Variants in NIT2 observed in about 807,000 individuals in gnomAD.
NIT2 encodes the protein omega-amidase NIT2.
A neutral mutation model predicts 42.7 loss-of-function variants in NIT2; 46 were observed. That is an observed-to-expected ratio of 1.08 (90% CI 0.85 to 1.38). NIT2 has a LOEUF of 1.38. Ranked by LOEUF, NIT2 falls within the 40% of genes most tolerant of loss-of-function variation. The pLI, the probability that NIT2 is intolerant of heterozygous loss-of-function variation, is 0.00. For synonymous variants in NIT2, 123 were observed against 121.9 expected, an observed-to-expected ratio of 1.01 and a Z score of -0.06; for missense variants, 309 against 342.5, an observed-to-expected ratio of 0.90 and a Z score of 0.77.
intron 5 of NIT2, 121 bp from the exon 6 acceptor site, chr3:100,346,060 G>A (rs1559824385): frequency 6.8e-6 from 5 of 735,464 alleles, no homozygotes; most frequent in Non-Finnish European, 1.2e-5. Flanking sequence ...TCTGTCCTCA[G>A]GTCCTGTGTT....
Position 100,357,577 on chromosome 3 carries a change from T to C in NIT2, c.*2309T>C, listed in dbSNP as rs1163442594. 6.6e-6 allele frequency: 1 copy of C among 151,998 alleles called. No homozygotes were observed. The highest frequency in any genetic ancestry group is 2.4e-5 in the African/African-American group (1 of 41,374). The allele number at this position is 151,998 out of a possible 1,614,324, so 9.4% of individuals were successfully genotyped here. The stretch of plus-strand genomic sequence containing the variant: ...TGATGCTAGAGAAGCAAAGACGCTT[T>C]ACAGAGATGTAGCATTCCTGTAACA... On this transcript the variant is annotated 3_prime_UTR_variant, in exon 10 of 10. Transcript: ENST00000394140.
At chr3:100,338,856 G>A (rs528799184) in intron 1 of NIT2, among the ~76,000 whole-genome samples, 4 of 152,218 alleles carry the variant, frequency 2.6e-5, no homozygotes, top group South Asian at 4.2e-4. Flanking sequence ...ATAATTCTTC[G>A]TTGTGTTATG....
At chr3:100,352,066 T>A (rs1706280596) in intron 7 of NIT2, among the ~76,000 whole-genome samples, 1 of 152,096 alleles carries the variant, frequency 6.6e-6, no homozygotes, top group African/African-American at 2.4e-5. Context: ...TGAGATACCA[T>A]CTCACACCAG....
intron 1 of NIT2, among the ~76,000 whole-genome samples, chr3:100,337,505 G>A (rs1706092457): frequency 6.6e-6 from 1 of 152,148 alleles, no homozygotes; most frequent in Admixed American, 6.5e-5. Flanking sequence ...CCAGGCTGGA[G>A]TGCAGTGGCG....
intron 6 of NIT2, among the ~76,000 whole-genome samples, chr3:100,346,504 A>T (rs568239599): frequency 3.7e-4 from 56 of 152,292 alleles, no homozygotes; most frequent in Middle Eastern, 3.4e-3. Flanking sequence ...TCTACCCTTG[A>T]GTCCTTGTTA....
chr3:100,339,218 G>A lies in NIT2; in HGVS notation c.126+13G>A. 2 of 1,532,846 alleles carry A rather than the reference G, an allele frequency of 1.3e-6. No homozygotes were observed. Among genetic ancestry groups the A allele is most frequent in the Non-Finnish European group, 1.8e-6 (2 of 1,106,248 alleles). 95.0% of individuals were successfully genotyped at this position (1,532,846 alleles called of 1,614,324 possible). A position where few individuals can be genotyped will look rare whatever the true frequency, so the allele number is the denominator to read the frequency against. The stretch of plus-strand genomic sequence containing the variant: ...AGTTTCTTTGCCGGTCAGTATGGGA[G>A]CAGCCATTCTGTTCTAGCCACTGTA... On this transcript the variant is annotated intron_variant, in intron 2 of 9. Transcript: ENST00000394140.
chr3:100,342,185 T>G (rs890244300), intron 4 of NIT2, among the ~76,000 whole-genome samples: 23 of 152,224 alleles, frequency 1.5e-4, no homozygotes, highest in East Asian at 3.8e-4. Context: ...CTATAGCCAC[T>G]CCAGCCTTCT....
chr3:100,335,637 C>T (rs1706060560), intron 1 of NIT2, among the ~76,000 whole-genome samples: 1 of 152,184 alleles, frequency 6.6e-6, no homozygotes, highest in Non-Finnish European at 1.5e-5. Flanking sequence ...GAGGACCCCG[C>T]CCTTGTGGGT....
rs549967337 is a variant in NIT2, at chr3:100,343,321, C to T, written c.336+2160C>T. 2.1e-3 allele frequency among the ~76,000 whole-genome samples: 314 copies of T among 151,818 alleles called. 2 individuals are homozygous for T. The highest frequency in any genetic ancestry group is 3.8e-3 in the Non-Finnish European group (259 of 67,906). On this transcript the variant is annotated intron_variant, in intron 4 of 9. Coordinates refer to ENST00000394140, the MANE Select transcript of NIT2 (RefSeq NM_020202.5). ...TCTGTTCCTTTTTCTTATGGAGCTC[C>T]AGTATATGTATATTATATTTTTAAA... is the stretch of plus-strand genomic sequence containing the variant.
At chr3:100,354,397 T>C (rs1213408677) in intron 8 of NIT2, among the ~76,000 whole-genome samples, 1 of 152,220 alleles carries the variant, frequency 6.6e-6, no homozygotes, top group Non-Finnish European at 1.5e-5. Flanking sequence ...GGGGGTCCAC[T>C]GAAATGCACT....
rs1238651575 is a variant in NIT2, at chr3:100,361,161, A to G, written c.*5893A>G. On this transcript the variant is annotated 3_prime_UTR_variant, in exon 10 of 10. Coordinates refer to ENST00000394140, the MANE Select transcript of NIT2 (RefSeq NM_020202.5). ...CCTTTTACAGCTCTTGACACAGAGC[A>G]ATATTGAGAAATAAAATCAGGTAAA... 2 of 152,434 alleles carry G rather than the reference A, an allele frequency of 1.3e-5. No homozygotes were observed. Among genetic ancestry groups the G allele is most frequent in the Admixed American group, 6.5e-5 (1 of 15,284 alleles). The allele number at this position is 152,434 out of a possible 1,614,324, so 9.4% of individuals were successfully genotyped here. A position where few individuals can be genotyped will look rare whatever the true frequency, so the allele number is the denominator to read the frequency against.
In NIT2 at chr3:100,360,729, T is replaced by C. The variant is rs967902051; in HGVS notation, c.*5461T>C. 1 of 152,322 alleles carries C rather than the reference T, an allele frequency of 6.6e-6. No individual in the cohort carries two copies. Among genetic ancestry groups the C allele is most frequent in the African/African-American group, 2.4e-5 (1 of 41,570 alleles). 9.4% of individuals were successfully genotyped at this position (152,322 alleles called of 1,614,324 possible). On this transcript the variant is annotated 3_prime_UTR_variant, in exon 10 of 10. Coordinates refer to ENST00000394140, the MANE Select transcript of NIT2 (RefSeq NM_020202.5). The stretch of plus-strand genomic sequence containing the variant: ...AGATGCATAAAAGAACACATAGAGA[T>C]GGGGAGTCAGTTCTCCATACATTTT...
Position 100,358,296 on chromosome 3 carries a change from A to G in NIT2, c.*3028A>G, listed in dbSNP as rs993737310. ...GCAAAGTGATATCCGAATAAAATGAACACTAGATTCCCACTTGGAGTGGAA... is the reference window on the plus strand; with the variant it reads ...GCAAAGTGATATCCGAATAAAATGAGCACTAGATTCCCACTTGGAGTGGAA... On this transcript the variant is annotated 3_prime_UTR_variant, in exon 10 of 10. Transcript: ENST00000394140. 2 of 152,246 alleles carry G rather than the reference A, an allele frequency of 1.3e-5. No homozygotes were observed. The highest frequency in any genetic ancestry group is 4.8e-5 in the African/African-American group (2 of 41,464). 9.4% of individuals were successfully genotyped at this position (152,246 alleles called of 1,614,324 possible).
At chr3:100,350,026 A>G (rs1309760414) in intron 7 of NIT2, 2 of 152,216 alleles carry the variant, frequency 1.3e-5, no homozygotes, top group Non-Finnish European at 2.9e-5. Flanking sequence ...ATTTTTGTGT[A>G]TTCACCTGCC....
chr3:100,359,361 T>C lies in NIT2; in HGVS notation c.*4093T>C, dbSNP rs1423768356. ...TGTGCTAACTAGGCTTTAAGTCTTT[T>C]GTCTGTAGATTCATTCTCAAAGTTT... On this transcript the variant is annotated 3_prime_UTR_variant, in exon 10 of 10. Transcript: ENST00000394140. 6.6e-6 allele frequency: 1 copy of C among 152,378 alleles called. No homozygotes were observed. Among genetic ancestry groups the C allele is most frequent in the East Asian group, 1.9e-4 (1 of 5,190 alleles). 9.4% of individuals were successfully genotyped at this position (152,378 alleles called of 1,614,324 possible).
rs769005068 is a variant in NIT2 at position 100,358,457 on chromosome 3, G to C, written c.*3189G>C. The C allele has an allele frequency of 6.6e-6, 1 of 152,194 alleles. No homozygotes were observed. The highest frequency in any genetic ancestry group is 1.5e-5 in the Non-Finnish European group (1 of 68,024). The allele number at this position is 152,194 out of a possible 1,614,324, so 9.4% of individuals were successfully genotyped here. On this transcript the variant is annotated 3_prime_UTR_variant, in exon 10 of 10. Coordinates refer to ENST00000394140, the MANE Select transcript of NIT2 (RefSeq NM_020202.5). ...AATACTTTGAAGTCTGCTATCACAA[G>C]TTGTGAACCTCTATCTCTTGCAGTT...
rs1706361550 is a variant in NIT2 at position 100,359,866 on chromosome 3, G to A, written c.*4598G>A. The A allele has an allele frequency of 6.6e-6, 1 of 152,098 alleles. No individual in the cohort carries two copies. Among genetic ancestry groups the A allele is most frequent in the Admixed American group, 6.5e-5 (1 of 15,272 alleles). The allele number at this position is 152,098 out of a possible 1,614,324, so 9.4% of individuals were successfully genotyped here. A position where few individuals can be genotyped will look rare whatever the true frequency, so the allele number is the denominator to read the frequency against. On this transcript the variant is annotated 3_prime_UTR_variant, in exon 10 of 10. Coordinates refer to ENST00000394140, the MANE Select transcript of NIT2 (RefSeq NM_020202.5). ...TCATGCTGTGCCTTTATTTAGATTTGTTGTGGTTGTTTCCCCACATTCTGG... is the reference window on the plus strand; with the variant it reads ...TCATGCTGTGCCTTTATTTAGATTTATTGTGGTTGTTTCCCCACATTCTGG...
intron 7 of NIT2, chr3:100,350,001 C>T (rs1011092271): frequency 4.6e-5 from 7 of 152,126 alleles, no homozygotes; most frequent in African/African-American, 1.7e-4. Context: ...TAATTTTAAG[C>T]ATAGAGGTTG....
In NIT2 at chr3:100,352,392, T is replaced by G; in HGVS notation, c.585-12T>G. 1 of 1,600,108 alleles carries G rather than the reference T, an allele frequency of 6.2e-7. No homozygotes were observed. On this transcript the variant is annotated splice_polypyrimidine_tract_variant and intron_variant, in intron 7 of 9. Transcript: ENST00000394140. ...ATGTACGATTTACCTCTTTCCTGTC[T>G]ATTGACTACAGGGCTGTTGATAATC...
Sources: allele counts gnomAD v4.1 joint callset (sites outside exome capture counted in the v4.1 genomes callset), GRCh38; gene constraint gnomAD v4.1.1; transcripts MANE v1.5; gene names NCBI Gene and HGNC (gene_info 2026-07-23, HGNC 2026-07-21).